RIBC2: variants seen among roughly 807,000 people sequenced by gnomAD.
RIBC2 encodes RIB43A-like with coiled-coils protein 2.
A neutral mutation model predicts 44.3 loss-of-function variants in RIBC2; 40 were observed. The observed-to-expected ratio is 0.90, with a 90% CI of 0.70 to 1.18. The LOEUF is 1.18. Ranked by LOEUF, RIBC2 falls within the 50% of genes most tolerant of loss-of-function variation. The pLI, the probability that RIBC2 is intolerant of heterozygous loss-of-function variation, is 0.00. For missense variants in RIBC2, 459 were observed against 485.5 expected (o/e 0.95, Z 0.51); for synonymous variants, 171 against 175.0 (o/e 0.98, Z 0.18).
intron 3 of RIBC2, among the ~76,000 whole-genome samples, chr22:45,421,013 C>G (rs1322273229): frequency 6.6e-6 from 1 of 151,982 alleles, no homozygotes; most frequent in Non-Finnish European, 1.5e-5. Context: ...CCTGGCCAAC[C>G]TCTGCCTCCC....
intron 2 of RIBC2, 70 bp downstream of exon 2, chr22:45,414,473 G>C: frequency 2.9e-6 from 3 of 1,018,252 alleles, no homozygotes; most frequent in Non-Finnish European, 4.2e-6. Flanking sequence ...CTTCCCCACC[G>C]TCCCCCTGCC....
intron 4 of RIBC2, among the ~76,000 whole-genome samples, chr22:45,422,897 GC>G (rs1197154490): frequency 6.6e-6 from 1 of 151,642 alleles, no homozygotes; most frequent in Non-Finnish European, 1.5e-5. Context: ...CTAAACTCTG[GC>G]CCCCCTCCTC....
At chr22:45,426,688 C>T (rs1054066680) in intron 5 of RIBC2, among the ~76,000 whole-genome samples, 19 of 152,158 alleles carry the variant, frequency 1.2e-4, no homozygotes, top group Admixed American at 1.0e-3. Flanking sequence ...AGAGAAGTGA[C>T]AGGATCTGAC....
At chr22:45,422,430 G>C (rs775359712) in intron 4 of RIBC2, 22 bp downstream of exon 4, 2 of 1,554,588 alleles carry the variant, frequency 1.3e-6, no homozygotes, top group Non-Finnish European at 1.8e-6. Flanking sequence ...CCGCGACCTC[G>C]GGCTCGACGA....
At position 45,426,031 on chromosome 22, in the gene RIBC2, T is replaced by C; in HGVS notation, c.759T>C (p.Arg253=). The C allele has an allele frequency of 6.2e-6, 10 of 1,614,062 alleles. No individual in the cohort carries two copies. The highest frequency in any genetic ancestry group is 8.5e-6 in the Non-Finnish European group (10 of 1,180,014). ...DNLAEITNLL[R]GDLLSENPQQ... is the part of the protein sequence containing the mutation. ...TGGCCGAGATCACCAACCTCCTGCG[T>C]GGGGACCTGCTCTCCGAGAACCCGC... The change falls in exon 5 of 7, where the codon CGT becomes CGC. Residue 253 remains arginine, a synonymous_variant. Transcript: ENST00000614167.
chr22:45,419,394 A>G (rs1167933176), intron 3 of RIBC2, among the ~76,000 whole-genome samples: 1 of 151,846 alleles, frequency 6.6e-6, no homozygotes, highest in African/African-American at 2.4e-5. Flanking sequence ...TCCATTTTTC[A>G]GCTACTTTCC....
intron 2 of RIBC2, among the ~76,000 whole-genome samples, chr22:45,415,650 C>T (rs953664865): frequency 6.6e-6 from 1 of 151,838 alleles, no homozygotes; most frequent in Non-Finnish European, 1.5e-5. Context: ...CCCCCTACCT[C>T]TTAATTTTCC....
chr22:45,425,155 G>A (rs565446057), intron 4 of RIBC2, among the ~76,000 whole-genome samples: 6 of 151,980 alleles, frequency 3.9e-5, no homozygotes, highest in African/African-American at 9.7e-5. Context: ...AAAAAAAAAC[G>A]GGTGTAGGGG....
intron 4 of RIBC2, 134 bp from the exon 5 acceptor site, chr22:45,425,814 C>T: frequency 2.7e-6 from 2 of 733,372 alleles, no homozygotes; most frequent in Non-Finnish European, 4.6e-6. Context: ...CCTGACAAGT[C>T]TCCCCTCCAC....
rs772927650 is a variant in RIBC2, at chr22:45,425,977, A to C, written c.705A>C (p.Gln235His). ...QAIESVERKK[Q>H]EKKQEQEDNL... is the part of the protein sequence containing the mutation. ...TCGAGTCAGTGGAAAGGAAAAAGCAAGAGAAAAAGCAAGAACAAGAGGACA... is the reference window on the plus strand; with the variant it reads ...TCGAGTCAGTGGAAAGGAAAAAGCACGAGAAAAAGCAAGAACAAGAGGACA... Residue 235 changes from glutamine (Q) to histidine (H), a missense_variant, in exon 5 of 7, where the codon CAA becomes CAC. Transcript: ENST00000614167. 2.3e-5 allele frequency: 37 copies of C among 1,613,980 alleles called. No individual in the cohort carries two copies. In the South Asian group the frequency reaches 4.1e-4, roughly 18 times the overall value.
In RIBC2 at chr22:45,413,913, G is replaced by C; in HGVS notation, c.27G>C (p.Ala9=). 1 of 1,551,472 alleles carries C rather than the reference G, an allele frequency of 6.4e-7. No individual in the cohort carries two copies. The highest frequency in any genetic ancestry group is 8.7e-7 in the Non-Finnish European group (1 of 1,146,836). Residue 9 remains alanine (A), a synonymous_variant, in exon 1 of 7, where the codon GCG becomes GCC. Transcript: ENST00000614167. ...TGGGTTCCCAGACCATGGCGGTGGC[G>C]CTGCCCAGGGACTTGCGGCAGGACG... MGSQTMAV[A]LPRDLRQDAN... is the part of the protein sequence containing the mutation.
intron 6 of RIBC2, among the ~76,000 whole-genome samples, chr22:45,431,545 T>C (rs2087580361): frequency 3.3e-5 from 5 of 152,210 alleles, no homozygotes; most frequent in Admixed American, 3.3e-4. Flanking sequence ...AACACAGTAT[T>C]TATTTACTTA....
intron 4 of RIBC2, among the ~76,000 whole-genome samples, chr22:45,422,792 G>A (rs1210138171): frequency 6.6e-6 from 1 of 152,024 alleles, no homozygotes. Flanking sequence ...CCTTTACTGA[G>A]AACAGCTACT....
In RIBC2 at chr22:45,430,924, C is replaced by T. The variant is rs753632765; in HGVS notation, c.928C>T (p.Arg310Ter). The T allele has an allele frequency of 2.1e-5, 34 of 1,599,904 alleles. No homozygotes were observed. Among genetic ancestry groups the T allele is most frequent in the Admixed American group, 1.7e-5 (1 of 58,052 alleles). ...GAGGCTCCAGGAAGAAAAGCGCCAG[C>T]GAGACCTGGACTGGGACCGGCGGAG... ...KLRLQEEKRQ[R>*]DLDWDRRRIQ... is the part of the protein sequence containing the mutation. Residue 310 changes from arginine (R) to a stop codon, truncating the protein, a stop_gained, in exon 6 of 7, where the codon CGA (arginine) becomes TGA (stop). Transcript: ENST00000614167. LOFTEE classifies it high-confidence loss of function.
intron 4 of RIBC2, 167 bp downstream of exon 4, chr22:45,422,575 A>G: frequency 3.1e-6 from 2 of 650,558 alleles, no homozygotes; most frequent in South Asian, 3.5e-5. Context: ...ACAGAGATGG[A>G]TGAGACCCAG....
At chr22:45,423,846 C>T (rs1233909758) in intron 4 of RIBC2, among the ~76,000 whole-genome samples, 1 of 152,186 alleles carries the variant, frequency 6.6e-6, no homozygotes, top group Non-Finnish European at 1.5e-5. Flanking sequence ...TTGCTCCAGT[C>T]CCCACTGCAA....
intron 5 of RIBC2, among the ~76,000 whole-genome samples, chr22:45,428,999 G>T (rs532970347): frequency 5.4e-4 from 82 of 152,360 alleles, no homozygotes; most frequent in Middle Eastern, 3.4e-3. Context: ...GAACCAGGGG[G>T]CCAGAGAGAG....
chr22:45,426,005 T>C lies in RIBC2; in HGVS notation c.733T>C (p.Leu245=), dbSNP rs770667200. The change falls in exon 5 of 7, where the codon TTG becomes CTG. Residue 245 remains leucine, a synonymous_variant. Coordinates refer to ENST00000614167, the MANE Select transcript of RIBC2 (RefSeq NM_015653.5). The part of the protein sequence containing the change: ...QEKKQEQEDN[L]AEITNLLRGD... ...GAAAAAGCAAGAACAAGAGGACAAC[T>C]TGGCCGAGATCACCAACCTCCTGCG... is the stretch of plus-strand genomic sequence containing the variant. 3.1e-6 allele frequency: 5 copies of C among 1,614,002 alleles called. No homozygotes were observed. Among genetic ancestry groups the C allele is most frequent in the Non-Finnish European group, 4.2e-6 (5 of 1,179,996 alleles).
chr22:45,421,543 A>G (rs1381725371), intron 3 of RIBC2, among the ~76,000 whole-genome samples: 1 of 46,188 alleles, frequency 2.2e-5, no homozygotes, highest in Non-Finnish European at 3.3e-5. Context: ...TATTAATAAT[A>G]TTAATAATAA....
Sources: allele counts gnomAD v4.1 joint callset (sites outside exome capture counted in the v4.1 genomes callset), GRCh38; gene constraint gnomAD v4.1.1; transcripts MANE v1.5; gene names NCBI Gene and HGNC (gene_info 2026-07-23, HGNC 2026-07-21).